NALF1: variants seen among roughly 807,000 people sequenced by gnomAD.
NALF1 encodes NALCN channel auxiliary factor 1, also known as family with sequence similarity 155 member A.
A neutral mutation model predicts 48.4 loss-of-function variants in NALF1; 3 were observed. That is an observed-to-expected ratio of 0.06 (90% CI 0.03 to 0.16). The LOEUF (loss-of-function observed/expected upper bound fraction) is 0.16. NALF1 is among the 10% of genes least tolerant of loss of function. The probability of loss-of-function intolerance (pLI) is 1.00; values close to 1 mark genes in which losing one functional copy is unlikely to be tolerated. For missense variants in NALF1, 526 were observed against 571.5 expected (o/e 0.92, Z 0.81); for synonymous variants, 262 against 245.7 (o/e 1.07, Z -0.62).
At chr13:107,811,021 A>G (rs540550543) in intron 1 of NALF1, among the ~76,000 whole-genome samples, 26 of 152,246 alleles carry the variant, frequency 1.7e-4, no homozygotes, top group African/African-American at 6.0e-4. Flanking sequence ...TAATATATCA[A>G]TAACGCACAA....
chr13:107,814,274 A>G (rs1211747438), intron 1 of NALF1, among the ~76,000 whole-genome samples: 1 of 152,068 alleles, frequency 6.6e-6, no homozygotes, highest in Non-Finnish European at 1.5e-5. Context: ...TTTAGACAAT[A>G]CCCCTATCCA....
chr13:107,627,812 G>A (rs903520141), intron 1 of NALF1, among the ~76,000 whole-genome samples: 1 of 152,044 alleles, frequency 6.6e-6, no homozygotes, highest in Non-Finnish European at 1.5e-5. Flanking sequence ...AAATACTTCT[G>A]TAGATTTGCT....
chr13:107,662,648 T>C (rs1310897766), intron 1 of NALF1, among the ~76,000 whole-genome samples: 1 of 152,130 alleles, frequency 6.6e-6, no homozygotes. Flanking sequence ...AGAATTATTG[T>C]CACATAATTC....
intron 2 of NALF1, among the ~76,000 whole-genome samples, chr13:107,185,949 T>C (rs1007359029): frequency 1.3e-5 from 2 of 152,176 alleles, no homozygotes; most frequent in East Asian, 3.9e-4. Flanking sequence ...AGTCCAAAAA[T>C]GTTAGATGCA....
chr13:107,731,509 C>T (rs887262980), intron 1 of NALF1, among the ~76,000 whole-genome samples: 1 of 152,074 alleles, frequency 6.6e-6, no homozygotes, highest in Non-Finnish European at 1.5e-5. Flanking sequence ...AGTATTAAGT[C>T]TAGTACCCAA....
chr13:107,771,478 CAT>C (rs1313427532), intron 1 of NALF1, among the ~76,000 whole-genome samples: 2 of 120,028 alleles, frequency 1.7e-5, no homozygotes, highest in Non-Finnish European at 1.6e-5. Flanking sequence ...ATATTATAAA[CAT>C]ATATGATACA....
Position 107,362,548 on chromosome 13 carries a change from C to T in NALF1, c.916-151793G>A, listed in dbSNP as rs1883082571. On this transcript the variant is annotated intron_variant, in intron 1 of 2. Coordinates refer to ENST00000375915, the MANE Select transcript of NALF1 (RefSeq NM_001080396.3). This position sits in a 1 kb window ranked among gnomAD's most constrained non-coding sequence, Gnocchi z 4.6. Reference sequence around the variant, plus strand: ...TGTGTCCTCGTCGCGGGGCATTCTCCTCTCCTTATATCAGACACCAGTCAC... The same window carrying T: ...TGTGTCCTCGTCGCGGGGCATTCTCTTCTCCTTATATCAGACACCAGTCAC... Among the ~76,000 whole-genome samples, 1 of 152,144 alleles carries T rather than the reference C, an allele frequency of 6.6e-6. No homozygotes were observed. Among genetic ancestry groups the T allele is most frequent in the Non-Finnish European group, 1.5e-5 (1 of 68,036 alleles).
intron 1 of NALF1, among the ~76,000 whole-genome samples, chr13:107,330,189 T>G (rs1316242639): frequency 6.6e-6 from 1 of 152,136 alleles, no homozygotes. Context: ...GGAACACTTG[T>G]GGTATAAATT....
chr13:107,639,439 C>G (rs1332667339), intron 1 of NALF1, among the ~76,000 whole-genome samples: 1 of 152,164 alleles, frequency 6.6e-6, no homozygotes, highest in Non-Finnish European at 1.5e-5. Context: ...TTTACTCATC[C>G]TGGAGTGTCC....
intron 1 of NALF1, among the ~76,000 whole-genome samples, chr13:107,397,560 C>G (rs1182745910): frequency 2.0e-5 from 3 of 152,094 alleles, no homozygotes; most frequent in African/African-American, 7.2e-5. Flanking sequence ...CTTATTGTGT[C>G]TACTGTGCTC....
chr13:107,431,183 G>A (rs1884375446), intron 1 of NALF1, among the ~76,000 whole-genome samples: 4 of 152,140 alleles, frequency 2.6e-5, no homozygotes, highest in Admixed American at 2.0e-4. Context: ...ACATACTCTA[G>A]TTACTCTACT....
chr13:107,833,560 G>A (rs1052940813), intron 1 of NALF1, among the ~76,000 whole-genome samples: 4 of 152,134 alleles, frequency 2.6e-5, no homozygotes, highest in African/African-American at 9.7e-5. Flanking sequence ...ATGTTTAAAT[G>A]TATTTTTTAC....
rs60166851 is a variant in NALF1 at position 107,290,187 on chromosome 13, C to CA, written c.916-79433dup. Among the ~76,000 whole-genome samples, 914 of 143,236 alleles carry CA rather than the reference C, an allele frequency of 6.4e-3. 6 individuals carry two copies. The highest frequency in any genetic ancestry group is 8.3e-3 in the African/African-American group (326 of 39,158). The allele number at this position is 143,236 out of a possible 152,430, so 94.0% of individuals were successfully genotyped here. On this transcript the variant is annotated intron_variant, in intron 1 of 2. Transcript: ENST00000375915. ...CCCACAAACCAGCAAAAAAAAAAAACAAAAAAAAAAACCAGAAATACATTT... is the reference window on the plus strand; with the variant it reads ...CCCACAAACCAGCAAAAAAAAAAAACAAAAAAAAAAAACCAGAAATACATTT...
At chr13:107,818,802 G>A in intron 1 of NALF1, among the ~76,000 whole-genome samples, 1 of 137,772 alleles carries the variant, frequency 7.3e-6, no homozygotes, top group South Asian at 2.5e-4. Context: ...AACCCGGGAG[G>A]CGGAGCTTGC....
chr13:107,630,211 C>T (rs1440669217), intron 1 of NALF1, among the ~76,000 whole-genome samples: 6 of 152,146 alleles, frequency 3.9e-5, no homozygotes, highest in Non-Finnish European at 8.8e-5. Context: ...CATTCTCTTA[C>T]CGTGACACAA....
rs147620924 is a variant in NALF1, at chr13:107,744,756, C to T, written c.915+120926G>A. Among the ~76,000 whole-genome samples the T allele has an allele frequency of 9.2e-5, 14 of 152,256 alleles. No individual in the cohort carries two copies. The East Asian group carries it at 2.7e-3, about 29-fold the overall frequency. On this transcript the variant is annotated intron_variant, in intron 1 of 2. Coordinates refer to ENST00000375915, the MANE Select transcript of NALF1 (RefSeq NM_001080396.3). The stretch of plus-strand genomic sequence containing the variant: ...TATTTTTATTGAAACATAAAAAATT[C>T]TTACTTTAAATTTATACAGGTTTTT...
intron 1 of NALF1, among the ~76,000 whole-genome samples, chr13:107,617,717 A>G (rs1309655699): frequency 6.6e-6 from 1 of 152,180 alleles, no homozygotes; most frequent in East Asian, 1.9e-4. Context: ...GCAGCTGGAG[A>G]GGAAAACAAA....
At chr13:107,820,337 T>G (rs1879329286) in intron 1 of NALF1, among the ~76,000 whole-genome samples, 1 of 152,194 alleles carries the variant, frequency 6.6e-6, no homozygotes, top group African/African-American at 2.4e-5. Flanking sequence ...TAACCATATA[T>G]TTTCACGAGC....
In NALF1 at chr13:107,246,443, C is replaced by T. The variant is rs766114101; in HGVS notation, c.916-35688G>A. ...TAAAGCTTGAAACCCTGTTAAGGAA[C>T]GTAGAGTAATTTTATTATTTCATCT... On this transcript the variant is annotated intron_variant, in intron 1 of 2. Coordinates refer to ENST00000375915, the MANE Select transcript of NALF1 (RefSeq NM_001080396.3). Among the ~76,000 whole-genome samples the T allele has an allele frequency of 3.9e-5, 6 of 152,216 alleles. No individual in the cohort carries two copies. In the South Asian group the frequency reaches 6.2e-4, roughly 16 times the overall value.
Sources: allele counts gnomAD v4.1 joint callset (sites outside exome capture counted in the v4.1 genomes callset), GRCh38; gene constraint gnomAD v4.1.1; non-coding constraint Gnocchi (gnomAD v3.1); transcripts MANE v1.5; gene names NCBI Gene and HGNC (gene_info 2026-07-23, HGNC 2026-07-21).